Variants in KLHL3 observed in about 807,000 individuals in gnomAD.
The protein encoded by KLHL3 is kelch like family member 3.
Under a neutral mutation model 70.5 loss-of-function variants are expected in KLHL3, and 19 were observed. The observed-to-expected ratio is 0.27, with a 90% CI of 0.19 to 0.40. KLHL3 has a LOEUF of 0.40. Among genes scored for constraint, KLHL3 ranks in the 10% least tolerant of loss-of-function variants. The pLI, the probability that KLHL3 is intolerant of heterozygous loss-of-function variation, is 1.00. For synonymous variants in KLHL3, 258 were observed against 290.3 expected (o/e 0.89, Z 1.13); for missense variants, 512 against 771.1 (o/e 0.66, Z 3.98).
chr5:137,637,124 CTCTGAG>C (rs1288795177), intron 11 of KLHL3, among the ~76,000 whole-genome samples, 164 bp downstream of exon 11: 2 of 152,210 alleles, frequency 1.3e-5, no homozygotes, highest in African/African-American at 4.8e-5. Flanking sequence ...TCCACCACCT[CTCTGAG>C]TCTCAACTTT....
chr5:137,634,033 A>G lies in KLHL3; in HGVS notation c.1450+4T>C. 1 of 1,614,220 alleles carries G rather than the reference A, an allele frequency of 6.2e-7. No homozygotes were observed. Among genetic ancestry groups the G allele is most frequent in the South Asian group, 1.1e-5 (1 of 91,086 alleles). ...ACAGCCAGCACCCCGAGGTTCTCCC[A>G]TACCTGCGCCACTGCGGCGGGTGCT... On this transcript the variant is annotated splice_donor_region_variant and intron_variant, in intron 12 of 14. Transcript: ENST00000309755.
intron 13 of KLHL3, 45 bp from the exon 14 acceptor site, chr5:137,625,941 CT>C: frequency 6.2e-7 from 1 of 1,612,604 alleles, no homozygotes; most frequent in Non-Finnish European, 8.5e-7. Flanking sequence ...AGCAGGTGCA[CT>C]AAGAGATCAG....
At position 137,720,777 on chromosome 5, in the gene KLHL3, G is replaced by C. The variant is rs1580786336; in HGVS notation, c.15-193C>G. ...CCAAAGCAAAGTGCATTCCTCTGAA[G>C]GAAGGCAGGTCATAGCTCAGCTTCT... On this transcript the variant is annotated intron_variant, in intron 1 of 14. Coordinates refer to ENST00000309755, the MANE Select transcript of KLHL3 (RefSeq NM_017415.3). 12 of 1,413,332 alleles carry C rather than the reference G, an allele frequency of 8.5e-6. No individual in the cohort carries two copies. In the East Asian group the frequency reaches 2.6e-4, roughly 31 times the overall value. The allele number at this position is 1,413,332 out of a possible 1,614,324, so 87.5% of individuals were successfully genotyped here. A position where few individuals can be genotyped will look rare whatever the true frequency, so the allele number is the denominator to read the frequency against.
intron 8 of KLHL3, among the ~76,000 whole-genome samples, chr5:137,640,487 A>T (rs191939002): frequency 3.1e-4 from 47 of 152,344 alleles, no homozygotes; most frequent in Non-Finnish European, 5.9e-4. Flanking sequence ...TAAACTGATG[A>T]TGTTCTGGAA....
At chr5:137,708,582 C>G (rs969705217) in intron 3 of KLHL3, among the ~76,000 whole-genome samples, 2 of 152,194 alleles carry the variant, frequency 1.3e-5, no homozygotes, top group African/African-American at 4.8e-5. Flanking sequence ...TGGTAACAAA[C>G]AAGCCCACCA....
chr5:137,722,475 G>C (rs1049416082), intron 1 of KLHL3, among the ~76,000 whole-genome samples: 3 of 152,172 alleles, frequency 2.0e-5, no homozygotes, highest in African/African-American at 7.2e-5. Context: ...TCTCAAGCCA[G>C]AAAATGTGGC....
intron 1 of KLHL3, among the ~76,000 whole-genome samples, chr5:137,723,020 T>C (rs1753026778): frequency 6.6e-6 from 1 of 152,214 alleles, no homozygotes; most frequent in Non-Finnish European, 1.5e-5. Flanking sequence ...ATTTTCTCCA[T>C]AAGTTTGATG....
chr5:137,731,055 T>C (rs1232811401), intron 1 of KLHL3, among the ~76,000 whole-genome samples: 2 of 151,592 alleles, frequency 1.3e-5, no homozygotes, highest in African/African-American at 2.4e-5. Context: ...AGTTTGATGA[T>C]GGCAAATTTC....
intron 14 of KLHL3, 99 bp downstream of exon 14, chr5:137,625,654 A>C: frequency 1.4e-6 from 2 of 1,429,890 alleles, no homozygotes; most frequent in South Asian, 2.5e-5. Context: ...GCCCAAGTTA[A>C]GCAAGCTCAC....
At chr5:137,724,443 T>C (rs1057328788) in intron 1 of KLHL3, among the ~76,000 whole-genome samples, 2 of 152,248 alleles carry the variant, frequency 1.3e-5, no homozygotes, top group African/African-American at 4.8e-5. Flanking sequence ...CCAATAATGA[T>C]GTATCCCCTG....
chr5:137,729,435 T>A (rs775474015), intron 1 of KLHL3, among the ~76,000 whole-genome samples: 7 of 152,298 alleles, frequency 4.6e-5, no homozygotes, highest in Non-Finnish European at 7.4e-5. Context: ...TCAGGTCAGA[T>A]CCTCATGGTG....
intron 5 of KLHL3, among the ~76,000 whole-genome samples, chr5:137,682,238 C>T (rs1040695641): frequency 1.3e-5 from 2 of 151,964 alleles, no homozygotes; most frequent in Non-Finnish European, 2.9e-5. Context: ...GAATAGTAAA[C>T]CTGGTAGAGC....
At chr5:137,654,731 C>T (rs1751297430) in intron 8 of KLHL3, among the ~76,000 whole-genome samples, 1 of 152,150 alleles carries the variant, frequency 6.6e-6, no homozygotes, top group Non-Finnish European at 1.5e-5. Context: ...CTAAGGAAGT[C>T]ATGGTTCCAG....
rs749065242 is a variant in KLHL3 at position 137,639,832 on chromosome 5, C to T, written c.1021+28G>A. The T allele has an allele frequency of 1.4e-5, 22 of 1,571,530 alleles. No homozygotes were observed. The highest frequency in any genetic ancestry group is 3.3e-5 in the Admixed American group (2 of 59,900). ...GGAGTGGGGACCAGCAGGGGAAAAA[C>T]AGCTTGCAGAACTGGGAGGCTGCTC... On this transcript the variant is annotated intron_variant, in intron 9 of 14. Coordinates refer to ENST00000309755, the MANE Select transcript of KLHL3 (RefSeq NM_017415.3). This position sits in a 1 kb window ranked among gnomAD's most constrained non-coding sequence, Gnocchi z 5.0.
chr5:137,700,384 G>A (rs1453256903), intron 3 of KLHL3, among the ~76,000 whole-genome samples: 1 of 152,170 alleles, frequency 6.6e-6, no homozygotes, highest in Non-Finnish European at 1.5e-5. Flanking sequence ...CAGCCGGACT[G>A]TAAGAACCAA....
At chr5:137,693,228 C>G (rs1172329767) in intron 4 of KLHL3, among the ~76,000 whole-genome samples, 1 of 152,212 alleles carries the variant, frequency 6.6e-6, no homozygotes, top group Non-Finnish European at 1.5e-5. Context: ...CAGGCAACGA[C>G]ACTTTATTCT....
chr5:137,735,015 T>A (rs909222878), intron 1 of KLHL3, among the ~76,000 whole-genome samples: 16 of 152,186 alleles, frequency 1.1e-4, no homozygotes, highest in African/African-American at 3.6e-4. Flanking sequence ...GCACAGACCT[T>A]CCAGTATCAC....
chr5:137,670,014 C>T (rs1165968142), intron 6 of KLHL3, among the ~76,000 whole-genome samples: 1 of 152,154 alleles, frequency 6.6e-6, no homozygotes, highest in Non-Finnish European at 1.5e-5. Context: ...TAGATGAACT[C>T]TGCCCATGTG....
chr5:137,702,181 G>C (rs748099090), intron 3 of KLHL3, among the ~76,000 whole-genome samples: 1 of 152,192 alleles, frequency 6.6e-6, no homozygotes, highest in Non-Finnish European at 1.5e-5. Context: ...TTAGAAAAGG[G>C]GATGTAGCTT....
Sources: gnomAD v4.1 joint callset for allele counts (sites outside exome capture counted in the v4.1 genomes callset) on GRCh38, gnomAD v4.1.1 for gene constraint, Gnocchi (gnomAD v3.1) non-coding constraint, MANE v1.5 for transcripts, NCBI Gene and HGNC (gene_info 2026-07-23, HGNC 2026-07-21) for gene names.